Variants in PES1 observed in about 807,000 individuals in gnomAD.
PES1 encodes the protein pescadillo ribosomal biogenesis factor 1.
In PES1, 31 loss-of-function variants were observed where a neutral mutation model predicts 77.1. That is an observed-to-expected ratio of 0.40 (90% CI 0.30 to 0.54). The LOEUF (loss-of-function observed/expected upper bound fraction) is 0.54. Among genes scored for constraint, PES1 ranks in the 20% least tolerant of loss-of-function variants. PES1 has a pLI of 0.45. For missense variants in PES1, 658 were observed against 771.7 expected, an observed-to-expected ratio of 0.85 and a Z score of 1.75; for synonymous variants, 282 against 303.0, an observed-to-expected ratio of 0.93 and a Z score of 0.72.
chr22:30,588,680 GGCT>G (rs2087130064), intron 2 of PES1, among the ~76,000 whole-genome samples: 1 of 152,150 alleles, frequency 6.6e-6, no homozygotes, highest in African/African-American at 2.4e-5. Flanking sequence ...CTACTCGGGA[GGCT>G]GAGGCAGGAG....
At chr22:30,586,111 G>A (rs1246271953) in intron 4 of PES1, among the ~76,000 whole-genome samples, 1 of 152,244 alleles carries the variant, frequency 6.6e-6, no homozygotes, top group Non-Finnish European at 1.5e-5. Context: ...TGGGGATGGT[G>A]TAGTATGAGA....
At position 30,581,018 on chromosome 22, in the gene PES1, G is replaced by A. The variant is rs148346090; in HGVS notation, c.906C>T (p.Thr302=). Residue 302 remains threonine, a synonymous_variant, in exon 9 of 15, where the codon ACC becomes ACT. Transcript: ENST00000354694. ...AAGGCAGTGCAGTGCTCACCCCATC[G>A]GTGGGAAACTCATCCACCTCGGCCT... ...EEEAEVDEFP[T]DGEMSAQEED... is the part of the protein sequence containing the mutation. 124 of 1,612,084 alleles carry A rather than the reference G, an allele frequency of 7.7e-5. No individual in the cohort carries two copies. In the African/African-American group the frequency reaches 1.1e-3, roughly 15 times the overall value.
Position 30,591,883 on chromosome 22 carries a change from T to C in PES1, c.-50A>G, listed in dbSNP as rs1367645223. 10 of 1,529,988 alleles carry C rather than the reference T, an allele frequency of 6.5e-6. No individual in the cohort carries two copies. Among genetic ancestry groups the C allele is most frequent in the Non-Finnish European group, 7.9e-6 (9 of 1,139,988 alleles). The allele number at this position is 1,529,988 out of a possible 1,614,324, so 94.8% of individuals were successfully genotyped here. On this transcript the variant is annotated 5_prime_UTR_variant, in exon 1 of 15. Transcript: ENST00000354694. ...GGGCCGCGCGTACAGGGAGCTCCAC[T>C]TCCTCCCGCACGTGCCCTGCCAAGG...
chr22:30,580,094 C>T lies in PES1; in HGVS notation c.1128G>A (p.Gln376=), dbSNP rs2086959961. The part of the protein sequence containing the change: ...YDVTDSRITH[Q]IVDRPGQQTS... Reference sequence around the variant, plus strand: ...TCTGCTGCCCAGGCCGGTCGACAATCTGATGGGTGATGCGGGAGTCTGTGA... The same window carrying T: ...TCTGCTGCCCAGGCCGGTCGACAATTTGATGGGTGATGCGGGAGTCTGTGA... Residue 376 remains glutamine (Q), a synonymous_variant, in exon 11 of 15, where the codon CAG becomes CAA. Coordinates refer to ENST00000354694, the MANE Select transcript of PES1 (RefSeq NM_014303.4). The T allele has an allele frequency of 1.2e-6, 2 of 1,614,076 alleles. No individual in the cohort carries two copies. The highest frequency in any genetic ancestry group is 1.1e-5 in the South Asian group (1 of 91,092).
Position 30,579,135 on chromosome 22 carries a change from A to G in PES1, c.1521+2T>C, listed in dbSNP as rs2086943296. 6.2e-7 allele frequency: 1 copy of G among 1,606,976 alleles called. No homozygotes were observed. The highest frequency in any genetic ancestry group is 8.5e-7 in the Non-Finnish European group (1 of 1,179,546). ...CAAGCCCCGCATTGCAGCTCCCCCT[A>G]CCTTCCCCTCCATCCTCTGCTCTTC... is the stretch of plus-strand genomic sequence containing the variant. On this transcript the variant is annotated splice_donor_variant, in intron 13 of 14. Coordinates refer to ENST00000354694, the MANE Select transcript of PES1 (RefSeq NM_014303.4). LOFTEE classifies it high-confidence loss of function.
At chr22:30,600,311 G>A (rs574264304) in intron 2 of PES1, among the ~76,000 whole-genome samples, 1 of 152,278 alleles carries the variant, frequency 6.6e-6, no homozygotes, top group Admixed American at 6.5e-5. Flanking sequence ...TTTATCTTCA[G>A]CCTCTCGGCT....
chr22:30,601,276 C>T (rs62227034), intron 2 of PES1, among the ~76,000 whole-genome samples: 2 of 152,102 alleles, frequency 1.3e-5, no homozygotes, highest in African/African-American at 4.8e-5. Flanking sequence ...GACACATCCT[C>T]TTTATCTCTC....
intron 2 of PES1, chr22:30,601,682 C>T (rs2087356262): frequency 6.6e-6 from 1 of 151,982 alleles, no homozygotes; most frequent in African/African-American, 2.4e-5. Flanking sequence ...TGCAATATTT[C>T]ATTGTATAGA....
chr22:30,598,674 G>A (rs76707711), intron 2 of PES1, among the ~76,000 whole-genome samples: 12,334 of 151,824 alleles, frequency 0.081, 573 homozygotes, highest in South Asian at 0.12. Context: ...AGTGACCCCC[G>A]CACCTCGGCC....
chr22:30,584,340 G>A (rs773057499), intron 6 of PES1, 25 bp downstream of exon 6: 9 of 1,558,582 alleles, frequency 5.8e-6, no homozygotes, highest in African/African-American at 2.7e-5. Flanking sequence ...GCACAAGCCC[G>A]TCCCCTCCCG....
intron 4 of PES1, among the ~76,000 whole-genome samples, chr22:30,586,226 G>C (rs1036100562): frequency 1.3e-5 from 2 of 152,174 alleles, no homozygotes; most frequent in Non-Finnish European, 2.9e-5. Context: ...TGTGCCACAG[G>C]CAGGACAGGA....
intron 2 of PES1, among the ~76,000 whole-genome samples, chr22:30,602,525 TTTTTCTTTTA>T (rs907899403): frequency 1.3e-4 from 20 of 151,502 alleles, no homozygotes; most frequent in African/African-American, 4.4e-4. Context: ...TCCGGCCTCT[TTTTTCTTTTA>T]TTTTCTTTTC....
chr22:30,587,134 T>A, intron 4 of PES1, 152 bp downstream of exon 4: 1 of 630,148 alleles, frequency 1.6e-6, no homozygotes, highest in Non-Finnish European at 2.8e-6. Context: ...ATTATAGTAA[T>A]TTGCTAGCTT....
chr22:30,581,708 C>A, intron 6 of PES1, 64 bp from the exon 7 acceptor site: 2 of 1,144,294 alleles, frequency 1.7e-6, no homozygotes, highest in South Asian at 1.2e-5. Flanking sequence ...GAGGGACAGA[C>A]AACCCACAGA....
upstream of PES1, among the ~76,000 whole-genome samples, chr22:30,596,514 A>T (rs533305917): frequency 7.4e-6 from 1 of 135,440 alleles, no homozygotes; most frequent in Non-Finnish European, 1.8e-5. Flanking sequence ...AAAAAAAAAG[A>T]TTTTAAAAAT....
At chr22:30,578,696 G>C in intron 14 of PES1, 141 bp downstream of exon 14, 2 of 981,252 alleles carry the variant, frequency 2.0e-6, no homozygotes, top group South Asian at 1.6e-5. Flanking sequence ...CCAAAGGCTG[G>C]GCTGGGCCAG....
upstream of PES1, among the ~76,000 whole-genome samples, chr22:30,596,357 C>T (rs11914056): frequency 1.3e-4 from 17 of 134,960 alleles, no homozygotes; most frequent in African/African-American, 3.3e-4. Flanking sequence ...TGTGTGTGTG[C>T]GTGTGTATAT....
chr22:30,592,529 G>T, upstream of PES1: 1 of 586,308 alleles, frequency 1.7e-6, no homozygotes, highest in Non-Finnish European at 2.2e-6. Flanking sequence ...GGGAGCGGTG[G>T]CGCACGCCTG....
At position 30,580,137 on chromosome 22, in the gene PES1, A is replaced by G. The variant is rs1437231639; in HGVS notation, c.1085T>C (p.Ile362Thr). The G allele has an allele frequency of 5.0e-6, 8 of 1,614,086 alleles. No individual in the cohort carries two copies. Among genetic ancestry groups the G allele is most frequent in the Admixed American group, 1.7e-5 (1 of 60,010 alleles). Residue 362 changes from isoleucine (I) to threonine (T), a missense_variant, in exon 11 of 15, where the codon ATT becomes ACT. Physicochemically the swap from Ile to Thr is moderately conservative, Grantham distance 89. Coordinates refer to ENST00000354694, the MANE Select transcript of PES1 (RefSeq NM_014303.4). ...GTCTGTGACGTCATAGGTGGCCCCAATGCACAAAGATTTGTCCCAGGACAC... is the reference window on the plus strand; with the variant it reads ...GTCTGTGACGTCATAGGTGGCCCCAGTGCACAAAGATTTGTCCCAGGACAC... The part of the protein sequence containing the change: ...GEVSWDKSLC[I>T]GATYDVTDSR...
Sources: gnomAD v4.1 joint callset for allele counts (sites outside exome capture counted in the v4.1 genomes callset) on GRCh38, gnomAD v4.1.1 for gene constraint, MANE v1.5 for transcripts, NCBI Gene and HGNC (gene_info 2026-07-23, HGNC 2026-07-21) for gene names.